Variants in TRIM33 observed in about 807,000 individuals in gnomAD.
The protein encoded by TRIM33 is E3 ubiquitin-protein ligase TRIM33.
Under a neutral mutation model 125.4 loss-of-function variants are expected in TRIM33, and 20 were observed. The ratio of observed to expected loss-of-function variants is 0.16; its 90% CI spans 0.11 to 0.23. TRIM33 has a LOEUF of 0.23. TRIM33 is among the 10% of genes least tolerant of loss of function. The probability of loss-of-function intolerance (pLI) is 1.00; values close to 1 mark genes in which losing one functional copy is unlikely to be tolerated. For missense variants in TRIM33, 920 were observed against 1,411.4 expected, an observed-to-expected ratio of 0.65 and a Z score of 5.58; for synonymous variants, 564 against 513.9, an observed-to-expected ratio of 1.10 and a Z score of -1.32.
At chr1:114,447,258 A>G (rs905584280) in intron 4 of TRIM33, among the ~76,000 whole-genome samples, 1 of 152,190 alleles carries the variant, frequency 6.6e-6, no homozygotes, top group Non-Finnish European at 1.5e-5. Context: ...GGTAGAGGCA[A>G]CAGAGGTAGT....
At chr1:114,399,947 T>TA (rs1220119716) in intron 17 of TRIM33, among the ~76,000 whole-genome samples, 1 of 151,824 alleles carries the variant, frequency 6.6e-6, no homozygotes, top group Admixed American at 6.6e-5. Context: ...CTTTTTTTTT[T>TA]AAAGAAAAAA....
chr1:114,439,284 C>G (rs1433288424), intron 4 of TRIM33, among the ~76,000 whole-genome samples: 1 of 148,272 alleles, frequency 6.7e-6, no homozygotes, highest in Non-Finnish European at 1.5e-5. Flanking sequence ...CCAGCCTGAC[C>G]AACATGGTGA....
Position 114,415,391 on chromosome 1 carries a change from C to T in TRIM33, c.2062-5075G>A, listed in dbSNP as rs533592244. Among the ~76,000 whole-genome samples, 10 of 152,260 alleles carry T rather than the reference C, an allele frequency of 6.6e-5. No individual in the cohort carries two copies. The East Asian group carries it at 1.4e-3, about 21-fold the overall frequency. ...ATTTGAAATTATCATCTACAGTATA[C>T]CTAACTGCTTTGAATCTCACACTCC... is the stretch of plus-strand genomic sequence containing the variant. On this transcript the variant is annotated intron_variant, in intron 11 of 19. Transcript: ENST00000358465.
intron 11 of TRIM33, among the ~76,000 whole-genome samples, chr1:114,411,371 G>C (rs1652578671): frequency 6.6e-6 from 1 of 152,170 alleles, no homozygotes; most frequent in Non-Finnish European, 1.5e-5. Context: ...GGTAGGAGTA[G>C]GCAGTAGGTT....
intron 4 of TRIM33, among the ~76,000 whole-genome samples, chr1:114,455,518 C>T (rs928136493): frequency 2.0e-5 from 3 of 152,096 alleles, no homozygotes; most frequent in Admixed American, 6.6e-5. Context: ...CTTTACAGGT[C>T]TTAACAGATG....
At chr1:114,492,282 A>G (rs1358975233) in intron 1 of TRIM33, among the ~76,000 whole-genome samples, 1 of 152,244 alleles carries the variant, frequency 6.6e-6, no homozygotes, top group African/African-American at 2.4e-5. Flanking sequence ...ACTTTAAAAC[A>G]CATGATTTTA....
At chr1:114,437,324 T>A (rs1016375851) in intron 4 of TRIM33, among the ~76,000 whole-genome samples, 1 of 152,202 alleles carries the variant, frequency 6.6e-6, no homozygotes, top group Non-Finnish European at 1.5e-5. Flanking sequence ...GATTTTAATC[T>A]TGCATTTTAA....
Position 114,394,602 on chromosome 1 carries a change from A to G in TRIM33, c.*3046T>C. ...CATTACCTAAAATTCCCTTATGTTA[A>G]GATACAGAAGTCAGAAAGTACCAAC... On this transcript the variant is annotated 3_prime_UTR_variant, in exon 20 of 20. Coordinates refer to ENST00000358465, the MANE Select transcript of TRIM33 (RefSeq NM_015906.4). 4.8e-6 allele frequency: 1 copy of G among 207,282 alleles called. No homozygotes were observed. Among genetic ancestry groups the G allele is most frequent in the Non-Finnish European group, 9.9e-6 (1 of 101,382 alleles). 12.8% of individuals were successfully genotyped at this position (207,282 alleles called of 1,614,324 possible). A position where few individuals can be genotyped will look rare whatever the true frequency, so the allele number is the denominator to read the frequency against.
intron 16 of TRIM33, 52 bp downstream of exon 16, chr1:114,402,696 AAGGTGTATATAT>A: frequency 6.5e-7 from 1 of 1,537,416 alleles, no homozygotes; most frequent in Non-Finnish European, 8.7e-7. Context: ...AGGAAAAAAA[AAGGTGTATATAT>A]AGGCAGACAA....
rs564104760 is a variant in TRIM33, at chr1:114,499,398, A to T, written c.526+11153T>A. Reference sequence around the variant, plus strand: ...TGCATAAGCAAAGAACAGTGAAATTAAAAAAAAAAAAATCTGACCAACAGC... The same window carrying T: ...TGCATAAGCAAAGAACAGTGAAATTTAAAAAAAAAAAATCTGACCAACAGC... On this transcript the variant is annotated intron_variant, in intron 1 of 19. Coordinates refer to ENST00000358465, the MANE Select transcript of TRIM33 (RefSeq NM_015906.4). Among the ~76,000 whole-genome samples the T allele has an allele frequency of 2.8e-4, 40 of 143,710 alleles. No homozygotes were observed. The East Asian group carries it at 7.8e-3, about 28-fold the overall frequency. 94.3% of individuals were successfully genotyped at this position (143,710 alleles called of 152,430 possible).
intron 1 of TRIM33, among the ~76,000 whole-genome samples, chr1:114,471,794 G>A (rs1650672948): frequency 6.6e-6 from 1 of 152,118 alleles, no homozygotes; most frequent in Non-Finnish European, 1.5e-5. Flanking sequence ...ATTTATGCAG[G>A]ATAGTAGCCA....
intron 1 of TRIM33, among the ~76,000 whole-genome samples, chr1:114,473,595 A>G (rs1382076440): frequency 1.3e-5 from 2 of 152,128 alleles, no homozygotes; most frequent in Non-Finnish European, 2.9e-5. Context: ...GTCAGTGTGG[A>G]GCAGGTAATT....
At position 114,410,247 on chromosome 1, in the gene TRIM33, G is replaced by C. The variant is rs765435428; in HGVS notation, c.2131C>G (p.Pro711Ala). 1.9e-6 allele frequency: 3 copies of C among 1,613,828 alleles called. No individual in the cohort carries two copies. The highest frequency in any genetic ancestry group is 3.3e-5 in the Admixed American group (2 of 59,946). The change falls in exon 12 of 20, where the codon CCA becomes GCA. Residue 711 changes from proline to alanine, a missense_variant. Physicochemically the swap from Pro to Ala is conservative, Grantham distance 27 (BLOSUM62 -1). Transcript: ENST00000358465. Reference protein sequence around the residue: ...SRYISGSHLPPQPTSTMNPSP... With the variant: ...SRYISGSHLPAQPTSTMNPSP... ...GGATTCATGGTGCTTGTAGGCTGTGGGGGTAGGTGACTGCCTGAGATGTAT... is the reference window on the plus strand; with the variant it reads ...GGATTCATGGTGCTTGTAGGCTGTGCGGGTAGGTGACTGCCTGAGATGTAT...
intron 11 of TRIM33, among the ~76,000 whole-genome samples, chr1:114,413,735 AG>A (rs1652750096): frequency 6.6e-6 from 1 of 151,764 alleles, no homozygotes; most frequent in African/African-American, 2.4e-5. Context: ...AAAAAATTAC[AG>A]GATGGCCAGG....
chr1:114,507,255 C>G (rs950374406), intron 1 of TRIM33, among the ~76,000 whole-genome samples: 14 of 152,176 alleles, frequency 9.2e-5, no homozygotes, highest in Non-Finnish European at 1.3e-4. Context: ...GCTTGTTAAA[C>G]GAGACTACTG....
chr1:114,496,497 T>C (rs6661053), intron 1 of TRIM33, among the ~76,000 whole-genome samples: 53,633 of 152,060 alleles, frequency 0.35, 10,140 homozygotes, highest in African/African-American at 0.46. Flanking sequence ...TCCCATCAAA[T>C]GAAAACATGG....
rs753704595 is a variant in TRIM33 at position 114,510,891 on chromosome 1, G to A, written c.186C>T (p.Pro62=). The change falls in exon 1 of 20, where the codon CCC becomes CCT. Residue 62 remains proline, a synonymous_variant. Transcript: ENST00000358465. ...AGGCCGCGGCCACCCCCCCGTCGTC[G>A]GGCCCGGCCGCGCCGCCCTCAGCGC... is the stretch of plus-strand genomic sequence containing the variant. The part of the protein sequence containing the change: ...RAGAEGGAAG[P]DDGGVAAASS... 1.4e-6 allele frequency: 2 copies of A among 1,430,330 alleles called. No homozygotes were observed. The highest frequency in any genetic ancestry group is 1.8e-6 in the Non-Finnish European group (2 of 1,100,362). The allele number at this position is 1,430,330 out of a possible 1,614,324, so 88.6% of individuals were successfully genotyped here. A position where few individuals can be genotyped will look rare whatever the true frequency, so the allele number is the denominator to read the frequency against.
intron 2 of TRIM33, among the ~76,000 whole-genome samples, chr1:114,463,932 C>T (rs916455442): frequency 2.0e-5 from 3 of 152,028 alleles, no homozygotes; most frequent in African/African-American, 7.2e-5. Context: ...CCACGCCCGG[C>T]TAGTACTTTT....
rs115517930 is a variant in TRIM33 at position 114,482,448 on chromosome 1, C to T, written c.527-18060G>A. Among the ~76,000 whole-genome samples the T allele has an allele frequency of 8.9e-3, 1,349 of 152,140 alleles. 20 individuals are homozygous for T. The highest frequency in any genetic ancestry group is 0.031 in the African/African-American group (1,275 of 41,476). On this transcript the variant is annotated intron_variant, in intron 1 of 19. Coordinates refer to ENST00000358465, the MANE Select transcript of TRIM33 (RefSeq NM_015906.4). ...TTGAAAACAACTGATAAACAATTAC[C>T]TAGATGGGAAAATGAGTGCAGGGAG...
Sources: allele counts gnomAD v4.1 joint callset (sites outside exome capture counted in the v4.1 genomes callset), GRCh38; gene constraint gnomAD v4.1.1; transcripts MANE v1.5; gene names NCBI Gene and HGNC (gene_info 2026-07-23, HGNC 2026-07-21).